Variants in NTNG1 observed in about 807,000 individuals in gnomAD.
The protein encoded by NTNG1 is netrin G1, also known as netrin-G1.
NTNG1 carries 16 observed loss-of-function variants against 54.0 expected under a neutral mutation model. That is an observed-to-expected ratio of 0.30 (90% CI 0.20 to 0.45). NTNG1 has a LOEUF of 0.45. NTNG1 is among the 20% of genes least tolerant of loss of function. The pLI is 1.00. For synonymous variants in NTNG1, 255 were observed against 263.1 expected (o/e 0.97, Z 0.30); for missense variants, 530 against 678.7 (o/e 0.78, Z 2.43).
At position 107,196,510 on chromosome 1, in the gene NTNG1, G is replaced by A. The variant is rs1658343412; in HGVS notation, c.246+47671G>A. On this transcript the variant is annotated intron_variant, in intron 2 of 7. Coordinates refer to ENST00000370068, the MANE Select transcript of NTNG1 (RefSeq NM_001113226.3). ...TGAGGAAAGTAGATCGTGGGAAGTA[G>A]TGGGATGGACTCGGAGTCCTTGGGT... 2.0e-5 allele frequency among the ~76,000 whole-genome samples: 3 copies of A among 152,006 alleles called. No homozygotes were observed. In the South Asian group the frequency reaches 6.2e-4, roughly 31 times the overall value.
intron 2 of NTNG1, among the ~76,000 whole-genome samples, chr1:107,178,887 T>G (rs917002478): frequency 6.6e-6 from 1 of 152,216 alleles, no homozygotes. Context: ...TGATCTAGAC[T>G]GAAGAATTAG....
chr1:107,322,064 A>G (rs545482291), intron 2 of NTNG1, among the ~76,000 whole-genome samples: 2 of 152,186 alleles, frequency 1.3e-5, no homozygotes, highest in East Asian at 3.9e-4. Context: ...CTTTATATTA[A>G]GTATAGGCAT....
At chr1:107,179,027 G>A (rs530747536) in intron 2 of NTNG1, among the ~76,000 whole-genome samples, 20 of 152,210 alleles carry the variant, frequency 1.3e-4, no homozygotes, top group Admixed American at 3.9e-4. Flanking sequence ...AATGTAATAG[G>A]AAACATTCTC....
chr1:107,209,878 T>A (rs1287843122), intron 2 of NTNG1, among the ~76,000 whole-genome samples: 1 of 138,404 alleles, frequency 7.2e-6, no homozygotes, highest in African/African-American at 2.7e-5. Context: ...GTTCTTTCTG[T>A]CAATACAGAC....
chr1:107,412,167 T>A (rs953413731), intron 5 of NTNG1, among the ~76,000 whole-genome samples: 22 of 146,216 alleles, frequency 1.5e-4, no homozygotes, highest in African/African-American at 5.1e-4. Context: ...GTCAGGAAAT[T>A]CGTAGCTTAA....
At chr1:107,279,647 G>A (rs1258291810) in intron 2 of NTNG1, among the ~76,000 whole-genome samples, 4 of 152,014 alleles carry the variant, frequency 2.6e-5, no homozygotes, top group Admixed American at 6.6e-5. Context: ...TTCCTCCAAA[G>A]AAAAATGTGG....
chr1:107,365,636 A>G lies in NTNG1; in HGVS notation c.888-29518A>G, dbSNP rs1570774578. Among the ~76,000 whole-genome samples the G allele has an allele frequency of 1.3e-5, 2 of 152,222 alleles. 1 individual carries two copies. Among genetic ancestry groups the G allele is most frequent in the South Asian group, 4.1e-4 (2 of 4,836 alleles). On this transcript the variant is annotated intron_variant, in intron 3 of 7. Coordinates refer to ENST00000370068, the MANE Select transcript of NTNG1 (RefSeq NM_001113226.3). ...TAATACAGAATAGACAGTATCTTCA[A>G]TGAAACATAATCATATTTTTGCATA...
chr1:107,229,859 G>A (rs4397677), intron 2 of NTNG1, among the ~76,000 whole-genome samples: 151,202 of 152,190 alleles, frequency 0.99, 75,121 homozygotes, highest in East Asian at 1. Flanking sequence ...ACAGCTGGAA[G>A]AAAATGCAGT....
chr1:107,234,051 G>T (rs1473572140), intron 2 of NTNG1, among the ~76,000 whole-genome samples: 1 of 152,020 alleles, frequency 6.6e-6, no homozygotes, highest in African/African-American at 2.4e-5. Flanking sequence ...ACCTTTATAT[G>T]GGATAAAATT....
At chr1:107,476,356 AC>A (rs1678325921) in intron 7 of NTNG1, among the ~76,000 whole-genome samples, 1 of 152,138 alleles carries the variant, frequency 6.6e-6, no homozygotes, top group Non-Finnish European at 1.5e-5. Context: ...ATCTTTTGCA[AC>A]AACGACCACC....
At chr1:107,292,844 A>C (rs538059338) in intron 2 of NTNG1, among the ~76,000 whole-genome samples, 4 of 152,270 alleles carry the variant, frequency 2.6e-5, no homozygotes, top group Middle Eastern at 6.8e-3. Flanking sequence ...TCAAAAGGTC[A>C]AACTGTGCAC....
Position 107,210,593 on chromosome 1 carries a change from A to G in NTNG1, c.246+61754A>G, listed in dbSNP as rs892641762. On this transcript the variant is annotated intron_variant, in intron 2 of 7. Transcript: ENST00000370068. Reference sequence around the variant, plus strand: ...AGTCACCGCCAGATGAATTTTAATAAAATACTCTTTTCAATGTATTTCTTC... The same window carrying G: ...AGTCACCGCCAGATGAATTTTAATAGAATACTCTTTTCAATGTATTTCTTC... 3.3e-5 allele frequency among the ~76,000 whole-genome samples: 5 copies of G among 152,302 alleles called. No individual in the cohort carries two copies. In the South Asian group the frequency reaches 6.2e-4, roughly 19 times the overall value.
intron 2 of NTNG1, among the ~76,000 whole-genome samples, chr1:107,283,850 G>A (rs1044512350): frequency 6.6e-6 from 1 of 152,078 alleles, no homozygotes; most frequent in African/African-American, 2.4e-5. Context: ...TATACCCTAA[G>A]CTGTCTTTCA....
intron 2 of NTNG1, among the ~76,000 whole-genome samples, chr1:107,156,129 C>T (rs768701092): frequency 6.6e-6 from 1 of 152,190 alleles, no homozygotes; most frequent in Non-Finnish European, 1.5e-5. Context: ...TGACACGTGA[C>T]TGTATTTGAT....
At chr1:107,340,283 C>T (rs551611313) in intron 3 of NTNG1, among the ~76,000 whole-genome samples, 23 of 152,098 alleles carry the variant, frequency 1.5e-4, no homozygotes, top group African/African-American at 5.5e-4. Context: ...AATTGATAGG[C>T]ATAACCAGTG....
chr1:107,208,674 C>T (rs1018771442), intron 2 of NTNG1, among the ~76,000 whole-genome samples: 2 of 152,130 alleles, frequency 1.3e-5, no homozygotes, highest in Non-Finnish European at 2.9e-5. Flanking sequence ...AATCATCTCC[C>T]ACTTCCAGTG....
chr1:107,431,997 GT>G (rs1158816820), intron 6 of NTNG1, among the ~76,000 whole-genome samples: 3 of 152,168 alleles, frequency 2.0e-5, no homozygotes, highest in Non-Finnish European at 4.4e-5. Flanking sequence ...CTGTTGAGTT[GT>G]TTTTAATCAA....
At chr1:107,284,916 G>T (rs1472309725) in intron 2 of NTNG1, among the ~76,000 whole-genome samples, 1 of 152,084 alleles carries the variant, frequency 6.6e-6, no homozygotes, top group African/African-American at 2.4e-5. Flanking sequence ...CACTGACTTA[G>T]AATGATACAC....
chr1:107,305,737 T>C (rs1666656434), intron 2 of NTNG1, among the ~76,000 whole-genome samples: 1 of 152,188 alleles, frequency 6.6e-6, no homozygotes, highest in Non-Finnish European at 1.5e-5. Context: ...AGAAGCTCTT[T>C]AGTTTAATTA....
Sources: gnomAD v4.1 joint callset for allele counts (sites outside exome capture counted in the v4.1 genomes callset) on GRCh38, gnomAD v4.1.1 for gene constraint, MANE v1.5 for transcripts, NCBI Gene and HGNC (gene_info 2026-07-23, HGNC 2026-07-21) for gene names.